Variants in OCM observed in about 807,000 individuals in gnomAD.
OCM encodes oncomodulin.
OCM carries 18 observed loss-of-function variants against 14.1 expected under a neutral mutation model. The observed-to-expected ratio is 1.28, with a 90% CI of 0.88 to 1.89. The LOEUF (loss-of-function observed/expected upper bound fraction) is 1.89. OCM is among the 40% of genes most tolerant of loss of function. The probability of loss-of-function intolerance (pLI) is 0.00; values close to 1 mark genes in which losing one functional copy is unlikely to be tolerated. For missense variants in OCM, 140 were observed against 137.6 expected (o/e 1.02, Z -0.09); for synonymous variants, 48 against 51.0 (o/e 0.94, Z 0.25).
At chr7:5,860,476 TGTATATATACG>T in the OCM span, among the ~76,000 whole-genome samples, 1 of 36,576 alleles carries the variant, frequency 2.7e-5, no homozygotes, top group Non-Finnish European at 4.3e-5. Context: ...TATATATACG[TGTATATATACG>T]TGTATATATA....
the OCM span, among the ~76,000 whole-genome samples, chr7:5,874,099 C>T: frequency 0.39 from 59,231 of 150,056 alleles, 12,555 homozygotes; most frequent in African/African-American, 0.52. Flanking sequence ...TGGTGGGCAC[C>T]TGTAATCCCA....
At chr7:5,863,576 A>G in the OCM span, among the ~76,000 whole-genome samples, 2 of 144,488 alleles carry the variant, frequency 1.4e-5, no homozygotes, top group Non-Finnish European at 3.0e-5. Context: ...TCTGTCACCC[A>G]GGCTGGAGTG....
At chr7:5,862,354 C>T in the OCM span, among the ~76,000 whole-genome samples, 2 of 152,074 alleles carry the variant, frequency 1.3e-5, no homozygotes, top group Non-Finnish European at 2.9e-5. Context: ...CCCACCAAGA[C>T]AGAACGTTAC....
upstream of OCM, among the ~76,000 whole-genome samples, chr7:5,877,302 C>CA (rs949383230): frequency 1.4e-5 from 2 of 144,496 alleles, no homozygotes; most frequent in Admixed American, 6.9e-5. Flanking sequence ...CCGTTTCTAC[C>CA]AAAAAAATAC....
chr7:5,877,499 TA>T (rs970794334), upstream of OCM, among the ~76,000 whole-genome samples: 1 of 150,748 alleles, frequency 6.6e-6, no homozygotes, highest in African/African-American at 2.4e-5. Flanking sequence ...AACAAACAAA[TA>T]AAAAACATGA....
chr7:5,864,372 C>T, the OCM span, among the ~76,000 whole-genome samples: 1 of 151,014 alleles, frequency 6.6e-6, no homozygotes, highest in Non-Finnish European at 1.5e-5. Flanking sequence ...GGAAGAATGA[C>T]CTTCACGGTG....
chr7:5,878,171 G>T (rs966750808), upstream of OCM, among the ~76,000 whole-genome samples: 2 of 151,134 alleles, frequency 1.3e-5, no homozygotes, highest in African/African-American at 4.9e-5. Flanking sequence ...CACCACGTTG[G>T]TCAGGCTGGT....
At chr7:5,871,026 A>G in the OCM span, among the ~76,000 whole-genome samples, 2 of 151,954 alleles carry the variant, frequency 1.3e-5, no homozygotes, top group African/African-American at 4.8e-5. Context: ...AGTAGCTGGG[A>G]TAACAGTCAT....
the OCM span, among the ~76,000 whole-genome samples, chr7:5,864,228 C>G: frequency 2.0e-5 from 3 of 150,980 alleles, no homozygotes; most frequent in African/African-American, 4.9e-5. Flanking sequence ...GGTCCCAGCT[C>G]CTGGTTGGGG....
intron 1 of OCM, 151 bp downstream of exon 1, chr7:5,881,101 G>A (rs558883054): frequency 2.3e-4 from 159 of 694,348 alleles, no homozygotes; most frequent in Non-Finnish European, 1.5e-4. Flanking sequence ...GGTGGATCAC[G>A]AGGTCAGGAG....
the OCM span, among the ~76,000 whole-genome samples, chr7:5,862,924 G>A: frequency 1.4e-5 from 2 of 148,110 alleles, no homozygotes; most frequent in Non-Finnish European, 3.0e-5. Flanking sequence ...TATGTAAAAT[G>A]TAGATTTACT....
chr7:5,876,658 G>A (rs1039695676), upstream of OCM, among the ~76,000 whole-genome samples: 1 of 152,190 alleles, frequency 6.6e-6, no homozygotes, highest in Non-Finnish European at 1.5e-5. Context: ...GAGGCTGCAG[G>A]TATCCCTGAG....
chr7:5,883,723 T>G (rs1402330306), intron 2 of OCM, among the ~76,000 whole-genome samples, 167 bp from the exon 3 acceptor site: 1 of 151,924 alleles, frequency 6.6e-6, no homozygotes, highest in Non-Finnish European at 1.5e-5. Context: ...AAAAATGAAG[T>G]GCCCACCATT....
At chr7:5,865,827 CA>C in the OCM span, among the ~76,000 whole-genome samples, 1 of 152,076 alleles carries the variant, frequency 6.6e-6, no homozygotes, top group African/African-American at 2.4e-5. Flanking sequence ...TAGGTAACAA[CA>C]ATACTGAAAT....
At chr7:5,878,241 G>A (rs1373341156), upstream of OCM, among the ~76,000 whole-genome samples, 1 of 151,416 alleles carries the variant, frequency 6.6e-6, no homozygotes, top group Non-Finnish European at 1.5e-5. Context: ...GGGATTACAG[G>A]CATGAGCCAC....
chr7:5,880,203 G>C (rs1781181643), upstream of OCM, among the ~76,000 whole-genome samples: 1 of 152,196 alleles, frequency 6.6e-6, no homozygotes, highest in Non-Finnish European at 1.5e-5. Context: ...TTGCAACATT[G>C]CATCTCTCGG....
chr7:5,864,176 C>G, the OCM span, among the ~76,000 whole-genome samples: 1 of 151,098 alleles, frequency 6.6e-6, no homozygotes. Context: ...CCCGTCTCTA[C>G]AAAAAATAAA....
At chr7:5,872,966 G>A in the OCM span, among the ~76,000 whole-genome samples, 1 of 152,126 alleles carries the variant, frequency 6.6e-6, no homozygotes, top group Non-Finnish European at 1.5e-5. Flanking sequence ...ACTTTGGGAG[G>A]CCAAGAAGGG....
chr7:5,866,188 G>A, the OCM span, among the ~76,000 whole-genome samples: 1 of 151,556 alleles, frequency 6.6e-6, no homozygotes, highest in South Asian at 2.1e-4. Flanking sequence ...AGCTGGTTCT[G>A]GTGGTGTGTG....
Sources: gnomAD v4.1 joint callset for allele counts (sites outside exome capture counted in the v4.1 genomes callset) on GRCh38, gnomAD v4.1.1 for gene constraint, MANE v1.5 for transcripts, NCBI Gene and HGNC (gene_info 2026-07-23, HGNC 2026-07-21) for gene names.